Variants in VWA8 observed in about 807,000 individuals in gnomAD.
VWA8 encodes von Willebrand factor A domain containing 8.
In VWA8, 221 loss-of-function variants were observed where a neutral mutation model predicts 241.5. That is an observed-to-expected ratio of 0.91 (90% CI 0.82 to 1.02). VWA8 has a LOEUF of 1.02. VWA8 is among the 50% of genes least tolerant of loss of function. VWA8 has a pLI of 0.00. For missense variants in VWA8, 2,322 were observed against 2,328.7 expected (o/e 1.00, Z 0.06); for synonymous variants, 852 against 827.1 (o/e 1.03, Z -0.52).
At position 41,891,478 on chromosome 13, in the gene VWA8, ATC is replaced by A. The variant is rs748468790; in HGVS notation, c.591_592del (p.Glu197AspfsTer4). 3.4e-5 allele frequency: 55 copies of A among 1,614,230 alleles called. No homozygotes were observed. In the South Asian group the frequency reaches 5.5e-4, roughly 16 times the overall value. On this transcript the variant is annotated frameshift_variant, in exon 5 of 45. Coordinates refer to ENST00000379310, the MANE Select transcript of VWA8 (RefSeq NM_015058.2). LOFTEE classifies it high-confidence loss of function. The stretch of plus-strand genomic sequence containing the variant: ...CAGGAAGCGTCCATCTTCAAGCTGC[ATC>A]TCTCTGTTTTCCAGCAAGTTGTTCA...
chr13:41,898,808 A>AG (rs1875273770), intron 4 of VWA8, among the ~76,000 whole-genome samples: 1 of 152,094 alleles, frequency 6.6e-6, no homozygotes, highest in Non-Finnish European at 1.5e-5. Context: ...CACCCTCCAC[A>AG]CGCCGCTGGC....
Position 41,912,019 on chromosome 13 carries a change from A to T in VWA8, c.372+19T>A, listed in dbSNP as rs747460919. ...ACAAAGTTAAGACCCTTAGAAATTG[A>T]CAAGAATTAACTGCTCACCAAGTAC... On this transcript the variant is annotated intron_variant, in intron 3 of 44. Transcript: ENST00000379310. The T allele has an allele frequency of 1.9e-6, 3 of 1,543,722 alleles. No individual in the cohort carries two copies. The highest frequency in any genetic ancestry group is 1.3e-5 in the South Asian group (1 of 75,938).
intron 27 of VWA8, 128 bp from the exon 28 acceptor site, chr13:41,701,658 T>G (rs942183639): frequency 1.3e-5 from 11 of 859,854 alleles, no homozygotes; most frequent in Non-Finnish European, 1.6e-5. Context: ...TTTTTTCAAT[T>G]TATTGACAGG....
At chr13:41,890,985 CA>C (rs1263743671) in intron 5 of VWA8, among the ~76,000 whole-genome samples, 1 of 152,106 alleles carries the variant, frequency 6.6e-6, no homozygotes, top group African/African-American at 2.4e-5. Flanking sequence ...TCATTTCTGT[CA>C]ATACCTACTG....
At chr13:41,690,060 G>T in intron 33 of VWA8, 106 bp downstream of exon 33, 1 of 953,334 alleles carries the variant, frequency 1.0e-6, no homozygotes, top group Non-Finnish European at 1.5e-6. Context: ...TTCTTTTGGT[G>T]TAAACTTAAC....
intron 24 of VWA8, among the ~76,000 whole-genome samples, chr13:41,724,400 A>C (rs965420183): frequency 6.6e-6 from 1 of 152,116 alleles, no homozygotes; most frequent in Non-Finnish European, 1.5e-5. Context: ...AAGATGAAGG[A>C]AATAGCCTGA....
At chr13:41,698,604 T>C (rs2045229543) in intron 29 of VWA8, among the ~76,000 whole-genome samples, 1 of 152,162 alleles carries the variant, frequency 6.6e-6, no homozygotes, top group Admixed American at 6.6e-5. Context: ...GGGTCTCAGA[T>C]AAAATGTCGT....
intron 19 of VWA8, 67 bp from the exon 20 acceptor site, chr13:41,778,123 A>AGTTCT: frequency 1.7e-6 from 2 of 1,151,816 alleles, no homozygotes; most frequent in Non-Finnish European, 2.5e-6. Context: ...AGTTAACTAT[A>AGTTCT]AAGATATCTT....
chr13:41,792,466 T>C (rs2137949645), intron 17 of VWA8, among the ~76,000 whole-genome samples: 1 of 152,140 alleles, frequency 6.6e-6, no homozygotes, highest in South Asian at 2.1e-4. Flanking sequence ...TCTATTCTAA[T>C]AGTCTATTTG....
intron 1 of VWA8, 80 bp downstream of exon 1, chr13:41,960,773 G>C: frequency 2.1e-6 from 3 of 1,437,294 alleles, no homozygotes; most frequent in Non-Finnish European, 1.8e-6. Context: ...CGAAGCAACA[G>C]AGAGGAGGGG....
chr13:41,681,630 C>T (rs888390041), intron 35 of VWA8, among the ~76,000 whole-genome samples: 3 of 152,006 alleles, frequency 2.0e-5, no homozygotes, highest in Non-Finnish European at 4.4e-5. Context: ...AATGACTTAC[C>T]AATATGGGTG....
intron 22 of VWA8, 47 bp from the exon 23 acceptor site, chr13:41,729,724 A>G (rs778569536): frequency 8.8e-6 from 14 of 1,586,494 alleles, no homozygotes; most frequent in Non-Finnish European, 1.1e-5. Flanking sequence ...GAAGACAGCC[A>G]TTATTAAAAC....
chr13:41,879,423 T>C (rs922583883), intron 9 of VWA8, among the ~76,000 whole-genome samples: 1 of 149,978 alleles, frequency 6.7e-6, no homozygotes, highest in Non-Finnish European at 1.5e-5. Flanking sequence ...ACACCTTTCT[T>C]CTCTTTCATC....
intron 4 of VWA8, among the ~76,000 whole-genome samples, chr13:41,897,825 A>G (rs541530332): frequency 1.3e-5 from 2 of 152,214 alleles, no homozygotes; most frequent in South Asian, 2.1e-4. Context: ...AAGCTTCCAC[A>G]CTGTGGAAGG....
In VWA8 at chr13:41,717,698, C is replaced by G. The variant is rs949516511; in HGVS notation, c.3116+1893G>C. The stretch of plus-strand genomic sequence containing the variant: ...CAAGAAGGGCAATAAAACAACACTA[C>G]TTTTGAGCAGCCTAAGTTATTGCAA... On this transcript the variant is annotated intron_variant, in intron 26 of 44. Transcript: ENST00000379310. 7.2e-5 allele frequency among the ~76,000 whole-genome samples: 11 copies of G among 152,198 alleles called. 1 individual carries two copies. Among genetic ancestry groups the G allele is most frequent in the African/African-American group, 2.4e-4 (10 of 41,544 alleles).
intron 17 of VWA8, among the ~76,000 whole-genome samples, chr13:41,795,932 C>A (rs535236322): frequency 2.0e-5 from 3 of 151,714 alleles, no homozygotes; most frequent in African/African-American, 7.3e-5. Context: ...TGCACATGTA[C>A]CTCAGAACTC....
At chr13:41,844,393 T>C (rs1209691861) in intron 12 of VWA8, among the ~76,000 whole-genome samples, 1 of 152,132 alleles carries the variant, frequency 6.6e-6, no homozygotes, top group Non-Finnish European at 1.5e-5. Context: ...TCACACTGAA[T>C]GGGCAAAAGC....
chr13:41,582,012 A>G (rs922229120), intron 42 of VWA8, among the ~76,000 whole-genome samples: 1 of 152,208 alleles, frequency 6.6e-6, no homozygotes, highest in Non-Finnish European at 1.5e-5. Flanking sequence ...GCACTACATG[A>G]ACACTAAGAA....
intron 21 of VWA8, among the ~76,000 whole-genome samples, chr13:41,755,872 A>G (rs1426074772): frequency 3.3e-5 from 5 of 151,894 alleles, no homozygotes; most frequent in African/African-American, 1.2e-4. Flanking sequence ...AGCATACTAT[A>G]AAGATTGAAA....
Sources: allele counts gnomAD v4.1 joint callset (sites outside exome capture counted in the v4.1 genomes callset), GRCh38; gene constraint gnomAD v4.1.1; transcripts MANE v1.5; gene names NCBI Gene and HGNC (gene_info 2026-07-23, HGNC 2026-07-21).